The following PTPRT variants were observed in gnomAD, a reference collection of about 807,000 sequenced individuals.
PTPRT encodes receptor-type tyrosine-protein phosphatase T.
PTPRT carries 56 observed loss-of-function variants against 176.8 expected under a neutral mutation model. The observed-to-expected ratio is 0.32, with a 90% CI of 0.26 to 0.40. The LOEUF is 0.40. Among genes scored for constraint, PTPRT ranks in the 10% least tolerant of loss-of-function variants. The pLI, the probability that PTPRT is intolerant of heterozygous loss-of-function variation, is 1.00. For missense variants in PTPRT, 1,540 were observed against 1,908.2 expected, an observed-to-expected ratio of 0.81 and a Z score of 3.60; for synonymous variants, 783 against 739.0, an observed-to-expected ratio of 1.06 and a Z score of -0.96.
chr20:42,472,344 T>C lies in PTPRT; in HGVS notation c.1372A>G (p.Ile458Val). 6.2e-7 allele frequency: 1 copy of C among 1,614,152 alleles called. No individual in the cohort carries two copies. The highest frequency in any genetic ancestry group is 8.5e-7 in the Non-Finnish European group (1 of 1,180,028). The change falls in exon 8 of 31, where the codon ATC (isoleucine) becomes GTC (valine). Residue 458 changes from isoleucine to valine, a missense_variant. Transcript: ENST00000373187. Reference protein sequence around the residue: ...TLRGLRPFMTIRLRLLLSNPE... With the variant: ...TLRGLRPFMTVRLRLLLSNPE... ...TTAGACAGCAAGAGTCGCAGCCGGA[T>C]GGTCATGAAGGGGCGCAGGCCTCGC...
intron 6 of PTPRT, chr20:42,686,456 T>C (rs1296832559): frequency 8.5e-6 from 1 of 118,306 alleles, no homozygotes; most frequent in Non-Finnish European, 1.7e-5. Flanking sequence ...CATAGTGCAC[T>C]CTTTTTTTTT....
chr20:42,921,993 T>C (rs140217197), intron 1 of PTPRT, among the ~76,000 whole-genome samples: 3 of 152,326 alleles, frequency 2.0e-5, no homozygotes, highest in Non-Finnish European at 4.4e-5. Context: ...TGGAGTGCAG[T>C]GGCATGATCT....
chr20:42,767,561 A>C (rs2077000033), intron 5 of PTPRT, among the ~76,000 whole-genome samples: 1 of 151,806 alleles, frequency 6.6e-6, no homozygotes, highest in Admixed American at 6.6e-5. Flanking sequence ...AGGACATATT[A>C]TATATGGAAG....
intron 7 of PTPRT, among the ~76,000 whole-genome samples, chr20:42,676,818 C>G (rs576861514): frequency 6.6e-6 from 1 of 152,298 alleles, no homozygotes; most frequent in East Asian, 1.9e-4. Flanking sequence ...TGAGTTGCAT[C>G]CAGAGCCAGA....
the PTPRT span, among the ~76,000 whole-genome samples, chr20:42,043,876 A>G: frequency 6.6e-6 from 1 of 152,220 alleles, no homozygotes; most frequent in African/African-American, 2.4e-5. Flanking sequence ...TGCAGTGGGC[A>G]GGGCTGGGAC....
At chr20:43,024,858 C>T (rs1202826199) in intron 1 of PTPRT, among the ~76,000 whole-genome samples, 7 of 152,192 alleles carry the variant, frequency 4.6e-5, no homozygotes, top group Non-Finnish European at 1.5e-5. Context: ...AGCTTCCATG[C>T]CCAGCCCACC....
chr20:42,787,051 C>T (rs1404151329), intron 3 of PTPRT, among the ~76,000 whole-genome samples: 4 of 152,200 alleles, frequency 2.6e-5, no homozygotes, highest in Non-Finnish European at 5.9e-5. Flanking sequence ...TCTATGACTG[C>T]TTTCATGGTA....
chr20:42,251,605 G>T (rs1190975255), intron 13 of PTPRT, among the ~76,000 whole-genome samples: 1 of 151,828 alleles, frequency 6.6e-6, no homozygotes, highest in African/African-American at 2.4e-5. Flanking sequence ...CCCTAATAGG[G>T]GTGAGTTCCA....
At chr20:43,039,357 A>T (rs1055345624) in intron 1 of PTPRT, among the ~76,000 whole-genome samples, 7 of 98,844 alleles carry the variant, frequency 7.1e-5, no homozygotes, top group African/African-American at 2.5e-4. Context: ...ATAAAATGAT[A>T]AAAAAAAAAC....
intron 9 of PTPRT, among the ~76,000 whole-genome samples, chr20:42,431,615 T>C (rs1209895721): frequency 2.0e-5 from 3 of 152,326 alleles, no homozygotes; most frequent in East Asian, 1.9e-4. Flanking sequence ...GTGATCTTTT[T>C]CTCTGATATC....
intron 1 of PTPRT, among the ~76,000 whole-genome samples, chr20:42,982,277 G>A (rs1012394920): frequency 6.6e-6 from 1 of 152,226 alleles, no homozygotes; most frequent in Non-Finnish European, 1.5e-5. Context: ...GAGAGAGAGA[G>A]CCATGACTAA....
chr20:42,391,928 G>A (rs1396985862), intron 9 of PTPRT, among the ~76,000 whole-genome samples: 1 of 152,144 alleles, frequency 6.6e-6, no homozygotes, highest in Non-Finnish European at 1.5e-5. Context: ...AATGTCGGAT[G>A]CCCTACAGGA....
intron 1 of PTPRT, among the ~76,000 whole-genome samples, chr20:42,934,826 T>C (rs1418083058): frequency 6.6e-6 from 1 of 152,038 alleles, no homozygotes; most frequent in African/African-American, 2.4e-5. Context: ...CCCAGCACTT[T>C]GGGAGACCAA....
chr20:42,190,503 T>C (rs1990962209), intron 16 of PTPRT, among the ~76,000 whole-genome samples: 1 of 152,214 alleles, frequency 6.6e-6, no homozygotes, highest in Non-Finnish European at 1.5e-5. Context: ...GCCATAATTC[T>C]ACTATCATGA....
chr20:43,134,711 G>A (rs1320294083), intron 1 of PTPRT, among the ~76,000 whole-genome samples: 1 of 152,046 alleles, frequency 6.6e-6, no homozygotes, highest in African/African-American at 2.4e-5. Flanking sequence ...TTCTTTAACA[G>A]GGCTGATTCA....
intron 6 of PTPRT, among the ~76,000 whole-genome samples, chr20:42,741,463 G>T (rs937449842): frequency 1.3e-5 from 2 of 152,118 alleles, no homozygotes; most frequent in Non-Finnish European, 2.9e-5. Flanking sequence ...TCCTGCCTCA[G>T]TATCCCGAGT....
intron 1 of PTPRT, among the ~76,000 whole-genome samples, chr20:42,925,753 A>G (rs749814750): frequency 2.0e-5 from 3 of 152,176 alleles, no homozygotes; most frequent in African/African-American, 4.8e-5. Flanking sequence ...CTGCATGTCT[A>G]GCAAGTTTCC....
intron 7 of PTPRT, among the ~76,000 whole-genome samples, chr20:42,584,427 G>A (rs148185446): frequency 2.0e-5 from 3 of 152,112 alleles, no homozygotes; most frequent in Non-Finnish European, 4.4e-5. Flanking sequence ...TCCCCTCTGT[G>A]AGGATAATCC....
At chr20:42,159,946 T>C (rs1207337360) in intron 17 of PTPRT, among the ~76,000 whole-genome samples, 1 of 152,186 alleles carries the variant, frequency 6.6e-6, no homozygotes, top group Non-Finnish European at 1.5e-5. Context: ...ACCCCCAGTT[T>C]AGCACAATTT....
Sources: gnomAD v4.1 joint callset for allele counts (sites outside exome capture counted in the v4.1 genomes callset) on GRCh38, gnomAD v4.1.1 for gene constraint, MANE v1.5 for transcripts, NCBI Gene and HGNC (gene_info 2026-07-23, HGNC 2026-07-21) for gene names.